MYOCD: variants seen among roughly 807,000 people sequenced by gnomAD.
MYOCD encodes the protein myocardin.
Under a neutral mutation model 96.1 loss-of-function variants are expected in MYOCD, and 32 were observed. The observed-to-expected ratio is 0.33, with a 90% CI of 0.25 to 0.45. The LOEUF is 0.45. Ranked by LOEUF, MYOCD falls within the 20% of genes least tolerant of loss-of-function variation. The pLI is 1.00. For synonymous variants in MYOCD, 469 were observed against 469.0 expected (o/e 1.00, Z 0.00); for missense variants, 1,133 against 1,200.6 (o/e 0.94, Z 0.83).
chr17:12,762,172 C>T (rs1833593624), intron 13 of MYOCD: 1 of 152,202 alleles, frequency 6.6e-6, no homozygotes, highest in African/African-American at 2.4e-5. Flanking sequence ...TTCTGCTGAT[C>T]CAGAGCATGC....
chr17:12,680,331 G>T (rs1910375275), intron 1 of MYOCD, among the ~76,000 whole-genome samples: 1 of 152,176 alleles, frequency 6.6e-6, no homozygotes, highest in African/African-American at 2.4e-5. Context: ...AATTACCCTA[G>T]AGGTGAGTAT....
chr17:12,747,380 G>GA (rs1351530841), intron 9 of MYOCD, among the ~76,000 whole-genome samples: 1 of 150,210 alleles, frequency 6.7e-6, no homozygotes, highest in Non-Finnish European at 1.5e-5. Flanking sequence ...AAGGAGAGTA[G>GA]AATGAGGAGT....
At chr17:12,730,634 A>G (rs1052248945) in intron 5 of MYOCD, among the ~76,000 whole-genome samples, 3 of 152,152 alleles carry the variant, frequency 2.0e-5, no homozygotes, top group South Asian at 2.1e-4. Flanking sequence ...GACATGCTAA[A>G]TCTATGCAAA....
chr17:12,760,085 G>A (rs2033126669), intron 12 of MYOCD: 1 of 154,162 alleles, frequency 6.5e-6, no homozygotes, highest in South Asian at 2.0e-4. Flanking sequence ...TAGCCCAAAG[G>A]TAGAAACAAC....
At chr17:12,700,399 ATTTTTTTTT>A (rs952565560) in intron 1 of MYOCD, among the ~76,000 whole-genome samples, 80 of 76,886 alleles carry the variant, frequency 1.0e-3, no homozygotes, top group Middle Eastern at 0.012. Flanking sequence ...CAATGGGAGA[ATTTTTTTTT>A]TTTTTTTTTT....
intron 1 of MYOCD, among the ~76,000 whole-genome samples, chr17:12,670,130 C>T (rs1909614199): frequency 1.3e-5 from 2 of 152,056 alleles, no homozygotes; most frequent in African/African-American, 4.8e-5. Flanking sequence ...GGCCGGTGCT[C>T]AAGCAGCAGA....
At chr17:12,745,827 CT>C (rs753683198) in intron 8 of MYOCD, 91 bp from the exon 9 acceptor site, 32 of 1,357,068 alleles carry the variant, frequency 2.4e-5, no homozygotes, top group Non-Finnish European at 3.3e-5. Flanking sequence ...ATGCCTGACC[CT>C]TGCAGGCAAT....
At chr17:12,718,136 T>C (rs926074799) in intron 4 of MYOCD, among the ~76,000 whole-genome samples, 1 of 152,152 alleles carries the variant, frequency 6.6e-6, no homozygotes, top group African/African-American at 2.4e-5. Context: ...GGGTGTCTGC[T>C]AGGAGTTGGC....
At chr17:12,726,531 A>G (rs144567940) in intron 5 of MYOCD, among the ~76,000 whole-genome samples, 160 of 152,262 alleles carry the variant, frequency 1.1e-3, no homozygotes, top group African/African-American at 3.6e-3. Context: ...CTCACATTCC[A>G]TTGTGAGAAC....
At chr17:12,723,376 C>G (rs1464166394) in intron 5 of MYOCD, among the ~76,000 whole-genome samples, 2 of 152,146 alleles carry the variant, frequency 1.3e-5, no homozygotes, top group East Asian at 3.9e-4. Context: ...GCGGAAAGAG[C>G]ACTGGCCCCA....
At chr17:12,687,939 A>C (rs1188327913) in intron 1 of MYOCD, among the ~76,000 whole-genome samples, 1 of 152,232 alleles carries the variant, frequency 6.6e-6, no homozygotes, top group Non-Finnish European at 1.5e-5. Context: ...GCTTTTAGCA[A>C]GGATGATTTA....
intron 1 of MYOCD, among the ~76,000 whole-genome samples, chr17:12,682,363 T>C (rs1313252129): frequency 6.6e-6 from 1 of 152,230 alleles, no homozygotes; most frequent in African/African-American, 2.4e-5. Flanking sequence ...CAGAAGCCTC[T>C]GATGGTGGTC....
intron 7 of MYOCD, among the ~76,000 whole-genome samples, chr17:12,742,197 T>C (rs956687171): frequency 2.0e-5 from 3 of 152,082 alleles, no homozygotes; most frequent in Non-Finnish European, 4.4e-5. Context: ...ACTGATTAAC[T>C]AACTAGAATG....
intron 1 of MYOCD, among the ~76,000 whole-genome samples, chr17:12,680,362 G>A (rs917426558): frequency 3.3e-5 from 5 of 152,150 alleles, no homozygotes; most frequent in Non-Finnish European, 5.9e-5. Flanking sequence ...GTCTTACAGG[G>A]ATGGGAAACT....
chr17:12,735,759 C>T (rs983494259), intron 5 of MYOCD, among the ~76,000 whole-genome samples: 1 of 152,120 alleles, frequency 6.6e-6, no homozygotes, highest in Admixed American at 6.5e-5. Context: ...ATCTCGATTC[C>T]ATCTCTCATC....
chr17:12,685,679 A>G (rs1335755293), intron 1 of MYOCD, among the ~76,000 whole-genome samples: 2 of 152,200 alleles, frequency 1.3e-5, no homozygotes, highest in African/African-American at 4.8e-5. Flanking sequence ...TCTCACTTGA[A>G]AAGTTGAAGG....
At chr17:12,688,644 A>G (rs1457093253) in intron 1 of MYOCD, among the ~76,000 whole-genome samples, 5 of 122,614 alleles carry the variant, frequency 4.1e-5, no homozygotes, top group Non-Finnish European at 6.6e-5. Flanking sequence ...TCTTCCTTCC[A>G]TCTTCTTCCT....
rs1052752895 is a variant in MYOCD at position 12,764,509 on chromosome 17, A to C, written c.*865A>C. ...AGACTAGAGATGACCACATTGGTAG[A>C]AGTATATCTCGAGGCACAGGAAGGG... On this transcript the variant is annotated 3_prime_UTR_variant, in exon 14 of 14. Coordinates refer to ENST00000425538, the MANE Select transcript of MYOCD (RefSeq NM_001146312.3). 5.3e-5 allele frequency: 8 copies of C among 152,228 alleles called. No homozygotes were observed. Among genetic ancestry groups the C allele is most frequent in the Non-Finnish European group, 1.2e-4 (8 of 68,074 alleles). 9.4% of individuals were successfully genotyped at this position (152,228 alleles called of 1,614,324 possible). A position where few individuals can be genotyped will look rare whatever the true frequency, so the allele number is the denominator to read the frequency against.
rs530829904 is a variant in MYOCD, at chr17:12,743,554, G to A, written c.718-629G>A. 8.4e-3 allele frequency among the ~76,000 whole-genome samples: 1,191 copies of A among 142,244 alleles called. 11 individuals are homozygous for A. The highest frequency in any genetic ancestry group is 0.013 in the Non-Finnish European group (883 of 66,942). The allele number at this position is 142,244 out of a possible 152,430, so 93.3% of individuals were successfully genotyped here. A position where few individuals can be genotyped will look rare whatever the true frequency, so the allele number is the denominator to read the frequency against. The stretch of plus-strand genomic sequence containing the variant: ...GTTGCCCAGGCTGGAGTGCAATGGC[G>A]TGATCTCGGCTCACTGCAACCTCTG... On this transcript the variant is annotated intron_variant, in intron 7 of 13. Coordinates refer to ENST00000425538, the MANE Select transcript of MYOCD (RefSeq NM_001146312.3).
Sources: gnomAD v4.1 joint callset for allele counts (sites outside exome capture counted in the v4.1 genomes callset) on GRCh38, gnomAD v4.1.1 for gene constraint, MANE v1.5 for transcripts, NCBI Gene and HGNC (gene_info 2026-07-23, HGNC 2026-07-21) for gene names.